Variants in PSD3 observed in about 807,000 individuals in gnomAD.
The protein encoded by PSD3 is PH and SEC7 domain-containing protein 3.
In PSD3, 49 loss-of-function variants were observed where a neutral mutation model predicts 105.5. The ratio of observed to expected loss-of-function variants is 0.46; its 90% CI spans 0.37 to 0.59. PSD3 has a LOEUF of 0.59. PSD3 is among the 20% of genes least tolerant of loss of function. The pLI, the probability that PSD3 is intolerant of heterozygous loss-of-function variation, is 0.00. For synonymous variants in PSD3, 557 were observed against 457.8 expected (o/e 1.22, Z -2.77); for missense variants, 1,561 against 1,263.8 (o/e 1.24, Z -3.57).
At chr8:18,751,219 G>A (rs1805461470) in intron 9 of PSD3, among the ~76,000 whole-genome samples, 1 of 152,192 alleles carries the variant, frequency 6.6e-6, no homozygotes, top group Admixed American at 6.5e-5. Flanking sequence ...GCGAGAAATC[G>A]AGCACAGCGC....
intron 14 of PSD3, among the ~76,000 whole-genome samples, chr8:18,570,560 A>G (rs1585267920): frequency 2.7e-5 from 4 of 149,954 alleles, no homozygotes; most frequent in African/African-American, 9.8e-5. Context: ...AAATTTTCGC[A>G]ACCTACTACT....
At chr8:18,564,945 A>G (rs1360457013) in intron 14 of PSD3, among the ~76,000 whole-genome samples, 2 of 152,222 alleles carry the variant, frequency 1.3e-5, no homozygotes, top group Non-Finnish European at 2.9e-5. Context: ...TCAAACTTTT[A>G]TAAGACAATG....
chr8:18,786,220 A>T (rs1364940801), intron 8 of PSD3, among the ~76,000 whole-genome samples: 1 of 152,122 alleles, frequency 6.6e-6, no homozygotes, highest in African/African-American at 2.4e-5. Context: ...AAAGTTTTCC[A>T]ATTTAAACTT....
At chr8:18,801,409 G>C (rs1053519921) in intron 6 of PSD3, 27 bp from the exon 7 acceptor site, 2 of 1,409,056 alleles carry the variant, frequency 1.4e-6, no homozygotes, top group Non-Finnish European at 2.0e-6. Context: ...AATTTAAACA[G>C]TGAAATTTTC....
chr8:18,880,383 A>C (rs1818031634), intron 2 of PSD3, among the ~76,000 whole-genome samples: 1 of 152,192 alleles, frequency 6.6e-6, no homozygotes, highest in South Asian at 2.1e-4. Flanking sequence ...CCAGAACATG[A>C]AAAGTCTGTT....
At chr8:19,052,667 T>G (rs1828572043) in intron 1 of PSD3, among the ~76,000 whole-genome samples, 1 of 152,002 alleles carries the variant, frequency 6.6e-6, no homozygotes, top group Non-Finnish European at 1.5e-5. Flanking sequence ...AAGTCCAAGT[T>G]GGGAAAGGAG....
intron 9 of PSD3, among the ~76,000 whole-genome samples, chr8:18,738,457 G>A (rs1441734416): frequency 6.6e-6 from 1 of 152,170 alleles, no homozygotes; most frequent in Admixed American, 6.5e-5. Flanking sequence ...GCTGGCCTAT[G>A]ATGTTTATAC....
intron 4 of PSD3, among the ~76,000 whole-genome samples, chr8:18,828,477 T>C (rs948020835): frequency 1.3e-5 from 2 of 152,124 alleles, no homozygotes; most frequent in Non-Finnish European, 2.9e-5. Flanking sequence ...TTTTTAATTC[T>C]CTTGACAAAA....
At position 18,534,821 on chromosome 8, in the gene PSD3, G is replaced by GCA. The variant is rs777701618; in HGVS notation, c.*920_*921dup. ...TGCCCACACACGCACACACACGCAC[G>GCA]CACACACACATATGTAGAGTAAGAA... is the stretch of plus-strand genomic sequence containing the variant. On this transcript the variant is annotated 3_prime_UTR_variant, in exon 16 of 16. Coordinates refer to ENST00000327040, the MANE Select transcript of PSD3 (RefSeq NM_015310.4). 2 of 152,216 alleles carry GCA rather than the reference G, an allele frequency of 1.3e-5. No individual in the cohort carries two copies. Among genetic ancestry groups the GCA allele is most frequent in the Admixed American group, 6.6e-5 (1 of 15,210 alleles). 9.4% of individuals were successfully genotyped at this position (152,216 alleles called of 1,614,324 possible). A position where few individuals can be genotyped will look rare whatever the true frequency, so the allele number is the denominator to read the frequency against.
chr8:18,775,069 C>A, intron 8 of PSD3: 1 of 413,280 alleles, frequency 2.4e-6, no homozygotes, highest in Admixed American at 2.7e-5. Context: ...TTCATGAAAT[C>A]TACTTTTTAA....
chr8:18,874,728 T>A (rs1345910567), intron 2 of PSD3, among the ~76,000 whole-genome samples: 5 of 149,700 alleles, frequency 3.3e-5, no homozygotes, highest in African/African-American at 1.2e-4. Context: ...AAAAAAAATT[T>A]GATTTCCAAG....
intron 8 of PSD3, among the ~76,000 whole-genome samples, chr8:18,772,287 A>AT (rs1304829108): frequency 6.6e-6 from 1 of 152,030 alleles, no homozygotes; most frequent in Non-Finnish European, 1.5e-5. Flanking sequence ...TATATTTCTC[A>AT]TTTTTTTGTG....
intron 11 of PSD3, among the ~76,000 whole-genome samples, chr8:18,604,107 G>T (rs953529334): frequency 2.0e-5 from 3 of 150,904 alleles, no homozygotes; most frequent in Admixed American, 1.3e-4. Flanking sequence ...GAGGTTGGAA[G>T]AGGGTGGAGG....
intron 1 of PSD3, among the ~76,000 whole-genome samples, chr8:18,987,957 G>C (rs1586583612): frequency 6.6e-6 from 1 of 152,116 alleles, no homozygotes; most frequent in African/African-American, 2.4e-5. Flanking sequence ...TATTTACATA[G>C]TACCTACCAT....
chr8:19,070,763 C>G (rs2129477919), intron 1 of PSD3, among the ~76,000 whole-genome samples: 1 of 152,328 alleles, frequency 6.6e-6, no homozygotes, highest in South Asian at 2.1e-4. Flanking sequence ...TCACTTTCCA[C>G]ACTGCTGACC....
intron 2 of PSD3, among the ~76,000 whole-genome samples, chr8:18,878,316 TAA>T (rs1207960863): frequency 2.0e-5 from 3 of 152,208 alleles, no homozygotes; most frequent in Non-Finnish European, 2.9e-5. Flanking sequence ...TTGGAGCATA[TAA>T]TAACATATTT....
rs142281511 is a variant in PSD3, at chr8:18,887,373, T to C, written c.131-14640A>G. 3.8e-3 allele frequency among the ~76,000 whole-genome samples: 572 copies of C among 152,316 alleles called. 2 individuals are homozygous for C. The highest frequency in any genetic ancestry group is 0.012 in the South Asian group (57 of 4,828). On this transcript the variant is annotated intron_variant, in intron 2 of 15. Transcript: ENST00000327040. ...GATTAAATTAATATTTAATGGGTGATTGCTGTTACTTGGAAATGTGACATG... is the reference window on the plus strand; with the variant it reads ...GATTAAATTAATATTTAATGGGTGACTGCTGTTACTTGGAAATGTGACATG...
intron 1 of PSD3, among the ~76,000 whole-genome samples, chr8:18,948,581 T>C (rs1823007208): frequency 6.6e-6 from 1 of 152,164 alleles, no homozygotes; most frequent in African/African-American, 2.4e-5. Flanking sequence ...TCACACGAAG[T>C]GTTCAATAAA....
chr8:18,948,232 A>G (rs921476314), intron 1 of PSD3, among the ~76,000 whole-genome samples: 1 of 152,234 alleles, frequency 6.6e-6, no homozygotes, highest in Admixed American at 6.5e-5. Flanking sequence ...TTCACAAATG[A>G]AGCAGATAGT....
Sources: allele counts gnomAD v4.1 joint callset (sites outside exome capture counted in the v4.1 genomes callset), GRCh38; gene constraint gnomAD v4.1.1; transcripts MANE v1.5; gene names NCBI Gene and HGNC (gene_info 2026-07-23, HGNC 2026-07-21).